Variants in LIPA observed in about 807,000 individuals in gnomAD.
The protein encoded by LIPA is lipase A, lysosomal acid type, also known as lysosomal acid lipase/cholesteryl ester hydrolase.
Under a neutral mutation model 40.6 loss-of-function variants are expected in LIPA, and 26 were observed. The observed-to-expected ratio is 0.64, with a 90% CI of 0.47 to 0.89. The LOEUF is 0.89. Among genes scored for constraint, LIPA ranks in the 40% least tolerant of loss-of-function variants. The pLI, the probability that LIPA is intolerant of heterozygous loss-of-function variation, is 0.00. For synonymous variants in LIPA, 188 were observed against 168.4 expected (o/e 1.12, Z -0.90); for missense variants, 455 against 479.6 (o/e 0.95, Z 0.48).
intron 2 of LIPA, chr10:89,412,782 C>G (rs766302291): frequency 2.4e-5 from 10 of 422,166 alleles, no homozygotes; most frequent in African/African-American, 2.1e-5. Flanking sequence ...AGCAAGACCA[C>G]GAACTCACCA....
At chr10:89,269,128 C>T (rs1178113980) in intron 1 of LIPA, among the ~76,000 whole-genome samples, 2 of 151,602 alleles carry the variant, frequency 1.3e-5, no homozygotes, top group Non-Finnish European at 2.9e-5. Context: ...AGATCGAGAC[C>T]ATCATGGCCA....
chr10:89,370,725 G>T (rs1157617693), intron 2 of LIPA, among the ~76,000 whole-genome samples: 1 of 152,110 alleles, frequency 6.6e-6, no homozygotes, highest in African/African-American at 2.4e-5. Context: ...ATCATCCAAA[G>T]TGTCTCCAGG....
intron 2 of LIPA, chr10:89,384,452 T>G: frequency 6.2e-7 from 1 of 1,614,206 alleles, no homozygotes; most frequent in South Asian, 1.1e-5. Context: ...AAGCAAGAGA[T>G]TCATTACCAC....
intron 2 of LIPA, among the ~76,000 whole-genome samples, chr10:89,395,161 T>G (rs974666163): frequency 6.6e-6 from 1 of 152,024 alleles, no homozygotes; most frequent in Non-Finnish European, 1.5e-5. Context: ...TATGACCTAT[T>G]TGACTTGCCC....
chr10:89,240,289 T>C (rs2133454754), intron 3 of LIPA, among the ~76,000 whole-genome samples: 1 of 152,304 alleles, frequency 6.6e-6, no homozygotes, highest in Admixed American at 6.5e-5. Context: ...CAAATCCATG[T>C]TGACATTTCA....
chr10:89,294,878 G>C (rs1445733408), intron 1 of LIPA, among the ~76,000 whole-genome samples: 1 of 152,008 alleles, frequency 6.6e-6, no homozygotes, highest in Non-Finnish European at 1.5e-5. Flanking sequence ...GGAGACTGAG[G>C]TGGGAAGATC....
chr10:89,294,850 TG>T (rs1290250978), intron 1 of LIPA, among the ~76,000 whole-genome samples: 12 of 152,178 alleles, frequency 7.9e-5, no homozygotes, highest in Non-Finnish European at 4.4e-5. Flanking sequence ...GGCACTCATC[TG>T]TGATCCCAGC....
intron 1 of LIPA, among the ~76,000 whole-genome samples, chr10:89,323,908 T>C (rs775456908): frequency 6.6e-6 from 1 of 152,186 alleles, no homozygotes; most frequent in Non-Finnish European, 1.5e-5. Flanking sequence ...ACAGTCTTCA[T>C]AGAATTAGAA....
At chr10:89,276,011 C>T (rs976175932) in intron 1 of LIPA, among the ~76,000 whole-genome samples, 2 of 152,202 alleles carry the variant, frequency 1.3e-5, no homozygotes, top group African/African-American at 4.8e-5. Flanking sequence ...ACAGTACAAC[C>T]TTTCTACTCC....
chr10:89,300,453 A>G (rs1843438249), intron 1 of LIPA, among the ~76,000 whole-genome samples: 1 of 152,234 alleles, frequency 6.6e-6, no homozygotes, highest in South Asian at 2.1e-4. Flanking sequence ...TAAACACTGA[A>G]GGTGATACAT....
At chr10:89,372,118 G>A (rs559086180) in intron 2 of LIPA, among the ~76,000 whole-genome samples, 2 of 152,330 alleles carry the variant, frequency 1.3e-5, no homozygotes, top group Admixed American at 6.5e-5. Context: ...CCCGTCTCCG[G>A]TGTACTAATT....
intron 1 of LIPA, among the ~76,000 whole-genome samples, chr10:89,270,178 T>C (rs11203058): frequency 0.039 from 5,945 of 152,334 alleles, 144 homozygotes; most frequent in East Asian, 0.074. Flanking sequence ...ACAAATGTTA[T>C]ATTGTCTATT....
chr10:89,368,956 A>G (rs1210657668), intron 2 of LIPA, among the ~76,000 whole-genome samples: 2 of 151,040 alleles, frequency 1.3e-5, no homozygotes, highest in Non-Finnish European at 2.9e-5. Context: ...ACACACACAA[A>G]TGGTTAGAAG....
At chr10:89,397,532 G>A (rs925852362) in intron 2 of LIPA, among the ~76,000 whole-genome samples, 6 of 152,158 alleles carry the variant, frequency 3.9e-5, no homozygotes, top group African/African-American at 1.4e-4. Flanking sequence ...AATGGCTAGA[G>A]GCTTAGGGCA....
intron 3 of LIPA, 117 bp from the exon 4 acceptor site, chr10:89,228,515 T>C (rs983001108): frequency 2.2e-5 from 20 of 903,580 alleles, no homozygotes; most frequent in African/African-American, 4.9e-5. Flanking sequence ...TAGAAATAAA[T>C]TGAAAGATTG....
At chr10:89,346,801 C>A (rs1215252673), upstream of LIPA, among the ~76,000 whole-genome samples, 1 of 152,202 alleles carries the variant, frequency 6.6e-6, no homozygotes, top group Non-Finnish European at 1.5e-5. Context: ...GATGCAACAT[C>A]CCCAGCCATG....
chr10:89,307,976 A>T (rs1169102271), intron 1 of LIPA: 3 of 152,912 alleles, frequency 2.0e-5, no homozygotes, highest in Admixed American at 6.5e-5. Context: ...GTGGCAACAT[A>T]GTTTGAGACG....
rs536463352 is a variant in LIPA, at chr10:89,233,648, C to T, written c.230-5250G>A. 6.6e-5 allele frequency among the ~76,000 whole-genome samples: 10 copies of T among 152,248 alleles called. No homozygotes were observed. In the East Asian group the frequency reaches 1.5e-3, roughly 24 times the overall value. On this transcript the variant is annotated intron_variant, in intron 3 of 9. Transcript: ENST00000336233. ...GGCACGGTGGCTCACGCCTGTAATC[C>T]CAGCATTTTGGGAGGCCGAGGCGGG...
intron 2 of LIPA, among the ~76,000 whole-genome samples, chr10:89,357,943 G>C (rs1275455406): frequency 1.3e-5 from 2 of 152,038 alleles, no homozygotes; most frequent in Admixed American, 1.3e-4. Context: ...GTTTTGTGCT[G>C]GTAAGTTGCA....
Sources: gnomAD v4.1 joint callset for allele counts (sites outside exome capture counted in the v4.1 genomes callset) on GRCh38, gnomAD v4.1.1 for gene constraint, MANE v1.5 for transcripts, NCBI Gene and HGNC (gene_info 2026-07-23, HGNC 2026-07-21) for gene names.